Variants in LRRC49 observed in about 807,000 individuals in gnomAD.
LRRC49 encodes leucine rich repeat containing 49.
A neutral mutation model predicts 83.3 loss-of-function variants in LRRC49; 50 were observed. That is an observed-to-expected ratio of 0.60 (90% CI 0.48 to 0.76). LRRC49 has a LOEUF of 0.76. Among genes scored for constraint, LRRC49 ranks in the 30% least tolerant of loss-of-function variants. The pLI, the probability that LRRC49 is intolerant of heterozygous loss-of-function variation, is 0.00. For synonymous variants in LRRC49, 286 were observed against 283.3 expected (o/e 1.01, Z -0.10); for missense variants, 704 against 809.1 (o/e 0.87, Z 1.58).
chr15:70,871,412 T>A (rs1453532762), intron 1 of LRRC49, among the ~76,000 whole-genome samples: 1 of 152,054 alleles, frequency 6.6e-6, no homozygotes, highest in Non-Finnish European at 1.5e-5. Flanking sequence ...TTCCCCCCTC[T>A]CTACTCGACA....
intron 2 of LRRC49, among the ~76,000 whole-genome samples, chr15:70,884,743 A>G (rs1053118683): frequency 1.3e-5 from 2 of 152,210 alleles, no homozygotes; most frequent in African/African-American, 4.8e-5. Context: ...TCTGGATAAA[A>G]TAGAGTTTTA....
chr15:70,924,283 C>T (rs1275795479), intron 7 of LRRC49, among the ~76,000 whole-genome samples: 2 of 151,814 alleles, frequency 1.3e-5, no homozygotes, highest in South Asian at 2.1e-4. Context: ...GTCTTATTAC[C>T]AGAGACTTTA....
intron 14 of LRRC49, among the ~76,000 whole-genome samples, chr15:71,033,035 T>G (rs1808751817): frequency 6.6e-6 from 1 of 152,114 alleles, no homozygotes; most frequent in African/African-American, 2.4e-5. Flanking sequence ...GAGAAAGAAA[T>G]AAAGCGTATT....
intron 6 of LRRC49, chr15:70,918,816 C>T (rs1041535792): frequency 5.1e-6 from 2 of 389,584 alleles, no homozygotes; most frequent in Non-Finnish European, 9.2e-6. Flanking sequence ...ATGACGTTTA[C>T]GTCAAGTGTT....
At chr15:70,901,255 C>T (rs1476591655) in intron 4 of LRRC49, among the ~76,000 whole-genome samples, 1 of 152,114 alleles carries the variant, frequency 6.6e-6, no homozygotes, top group Non-Finnish European at 1.5e-5. Flanking sequence ...AAGAGTACTA[C>T]AGCAATTCTA....
Position 70,867,241 on chromosome 15 carries a change from A to G in LRRC49, c.-298-5667A>G, listed in dbSNP as rs142927896. ...CACTCTCCAGAGAAAGAGGCTTGTA[A>G]GGGGCACCATGAAGTATCAAAAGAA... On this transcript the variant is annotated intron_variant, in intron 1 of 16. Transcript: ENST00000544974. 8.5e-5 allele frequency among the ~76,000 whole-genome samples: 13 copies of G among 152,248 alleles called. No individual in the cohort carries two copies. The East Asian group carries it at 2.5e-3, about 29-fold the overall frequency.
chr15:70,923,644 C>T (rs2035086858), intron 7 of LRRC49, among the ~76,000 whole-genome samples: 1 of 151,758 alleles, frequency 6.6e-6, no homozygotes, highest in African/African-American at 2.4e-5. Flanking sequence ...TATTTCCTAA[C>T]CTTTTTAGAA....
chr15:70,920,217 A>G (rs528418730), intron 7 of LRRC49, among the ~76,000 whole-genome samples: 2 of 152,306 alleles, frequency 1.3e-5, no homozygotes, highest in African/African-American at 4.8e-5. Context: ...TAAATGGTAC[A>G]CTTGAAAAGG....
intron 11 of LRRC49, among the ~76,000 whole-genome samples, chr15:71,007,777 A>C (rs939367374): frequency 1.4e-5 from 2 of 146,300 alleles, no homozygotes; most frequent in African/African-American, 5.0e-5. Context: ...ATTCCTTTTC[A>C]CTGTTTCTTA....
chr15:70,966,422 TTTGAAAAG>T (rs891991502), intron 9 of LRRC49, among the ~76,000 whole-genome samples: 3 of 152,116 alleles, frequency 2.0e-5, no homozygotes, highest in Non-Finnish European at 4.4e-5. Context: ...ACTTCCTATC[TTTGAAAAG>T]CTGAATTTTC....
At chr15:70,977,759 G>A (rs1191278810) in intron 9 of LRRC49, among the ~76,000 whole-genome samples, 1 of 151,654 alleles carries the variant, frequency 6.6e-6, no homozygotes, top group African/African-American at 2.4e-5. Context: ...AAATCATATG[G>A]CAGATCACTT....
chr15:70,891,747 C>T (rs959235875), upstream of LRRC49: 52 of 1,158,030 alleles, frequency 4.5e-5, no homozygotes, highest in African/African-American at 7.9e-4. Flanking sequence ...AAAACAGGAA[C>T]TTTCGAGATG....
At chr15:71,044,258 A>G (rs989141659) in intron 15 of LRRC49, among the ~76,000 whole-genome samples, 7 of 152,206 alleles carry the variant, frequency 4.6e-5, no homozygotes, top group Non-Finnish European at 1.0e-4. Flanking sequence ...CTTATCACAC[A>G]TCAAAAATCT....
At chr15:70,874,655 G>C (rs1259196371) in intron 2 of LRRC49, among the ~76,000 whole-genome samples, 1 of 152,140 alleles carries the variant, frequency 6.6e-6, no homozygotes, top group African/African-American at 2.4e-5. Flanking sequence ...ACAAAATGAG[G>C]CATTTTAACT....
chr15:70,989,774 G>T (rs1333777251), intron 11 of LRRC49, among the ~76,000 whole-genome samples: 3 of 152,018 alleles, frequency 2.0e-5, no homozygotes, highest in South Asian at 2.1e-4. Context: ...GTCTACTTTT[G>T]GTCTTTGATG....
intron 14 of LRRC49, among the ~76,000 whole-genome samples, chr15:71,036,643 C>A (rs1413907758): frequency 2.6e-5 from 4 of 152,128 alleles, no homozygotes; most frequent in African/African-American, 7.2e-5. Flanking sequence ...CAATATTTAA[C>A]CCCTACTAGA....
At chr15:71,007,300 C>T (rs1250377039) in intron 11 of LRRC49, among the ~76,000 whole-genome samples, 1 of 151,808 alleles carries the variant, frequency 6.6e-6, no homozygotes, top group Non-Finnish European at 1.5e-5. Context: ...GATTTTGGGT[C>T]CCCAAAGATG....
intron 8 of LRRC49, among the ~76,000 whole-genome samples, chr15:70,959,757 A>G (rs2036542264): frequency 6.6e-6 from 1 of 152,196 alleles, no homozygotes; most frequent in Non-Finnish European, 1.5e-5. Context: ...AGTTTATATG[A>G]AAAGGCCAGA....
chr15:70,992,947 G>A lies in LRRC49; in HGVS notation c.1169+8690G>A, dbSNP rs371479125. 3.2e-3 allele frequency among the ~76,000 whole-genome samples: 482 copies of A among 152,280 alleles called. 1 individual carries two copies. The highest frequency in any genetic ancestry group is 6.6e-3 in the Admixed American group (101 of 15,304). Reference sequence around the variant, plus strand: ...ATTTAAGTCTGCAGAGGTTTCTGCCGCATTTTGTTCAGCTATGCCCTGCCT... The same window carrying A: ...ATTTAAGTCTGCAGAGGTTTCTGCCACATTTTGTTCAGCTATGCCCTGCCT... On this transcript the variant is annotated intron_variant, in intron 11 of 15. Coordinates refer to ENST00000260382, the MANE Select transcript of LRRC49 (RefSeq NM_017691.5).
Sources: gnomAD v4.1 joint callset for allele counts (sites outside exome capture counted in the v4.1 genomes callset) on GRCh38, gnomAD v4.1.1 for gene constraint, MANE v1.5 for transcripts, NCBI Gene and HGNC (gene_info 2026-07-23, HGNC 2026-07-21) for gene names.